BCL11A: variants seen among roughly 807,000 people sequenced by gnomAD.
BCL11A encodes B cell CLL/lymphoma 11A.
A neutral mutation model predicts 55.9 loss-of-function variants in BCL11A; 2 were observed. The ratio of observed to expected loss-of-function variants is 0.04; its 90% CI spans 0.01 to 0.11. The LOEUF is 0.11. BCL11A is among the 10% of genes least tolerant of loss of function. BCL11A has a pLI of 1.00. For missense variants in BCL11A, 817 were observed against 1,137.1 expected, an observed-to-expected ratio of 0.72 and a Z score of 4.05; for synonymous variants, 465 against 473.4, an observed-to-expected ratio of 0.98 and a Z score of 0.23.
chr2:60,552,614 G>A (rs1199305116), intron 1 of BCL11A, among the ~76,000 whole-genome samples: 2 of 152,200 alleles, frequency 1.3e-5, no homozygotes, highest in Admixed American at 6.5e-5. Context: ...AGCGCCGGGG[G>A]CCCCTTTCCA....
At chr2:60,491,005 C>G (rs1170661350) in intron 2 of BCL11A, among the ~76,000 whole-genome samples, 1 of 152,048 alleles carries the variant, frequency 6.6e-6, no homozygotes, top group African/African-American at 2.4e-5. Flanking sequence ...AATATCCACC[C>G]TCTTTAAACA....
chr2:60,515,454 A>G (rs982696536), intron 2 of BCL11A, among the ~76,000 whole-genome samples: 46 of 152,228 alleles, frequency 3.0e-4, no homozygotes, highest in African/African-American at 9.9e-4. Flanking sequence ...CCAAAAGGTT[A>G]TAATTTGAGG....
At chr2:60,496,574 GAGAC>G (rs1678962236) in intron 2 of BCL11A, 1 of 152,270 alleles carries the variant, frequency 6.6e-6, no homozygotes, top group Admixed American at 6.5e-5. Flanking sequence ...GCAAGGATTT[GAGAC>G]AGTTACCCCT....
intron 3 of BCL11A, among the ~76,000 whole-genome samples, chr2:60,462,770 G>A (rs539464045): frequency 4.3e-4 from 65 of 152,302 alleles, no homozygotes; most frequent in African/African-American, 1.5e-3. Context: ...GTAGTTTGGG[G>A]CAAGCCATCT....
downstream of BCL11A, chr2:60,457,083 G>T: frequency 9.9e-6 from 2 of 202,900 alleles, no homozygotes; most frequent in African/African-American, 2.4e-5. Flanking sequence ...GCATCAGAAT[G>T]CCCATAGAAA....
chr2:60,553,618 G>A lies in BCL11A; in HGVS notation c.-348C>T, dbSNP rs1670514904. On this transcript the variant is annotated 5_prime_UTR_variant, in exon 1 of 4. Transcript: ENST00000642384. ...GTTCAAGTGCGGACGTGACGTCCCT[G>A]CGAACTTGAACGTCAGGAGTCTGGA... 3 of 353,444 alleles carry A rather than the reference G, an allele frequency of 8.5e-6. No individual in the cohort carries two copies. The highest frequency in any genetic ancestry group is 4.9e-5 in the Admixed American group (1 of 20,514). 21.9% of individuals were successfully genotyped at this position (353,444 alleles called of 1,614,324 possible).
intron 2 of BCL11A, among the ~76,000 whole-genome samples, chr2:60,521,105 A>ACACACT (rs1553347301): frequency 9.3e-5 from 6 of 64,468 alleles, no homozygotes; most frequent in African/African-American, 2.4e-4. Context: ...ACACACTCAC[A>ACACACT]CACACACACA....
downstream of BCL11A, among the ~76,000 whole-genome samples, chr2:60,456,829 A>G (rs1675963000): frequency 6.6e-6 from 1 of 152,202 alleles, no homozygotes; most frequent in African/African-American, 2.4e-5. Flanking sequence ...ACTTTTAGAC[A>G]ACAAGAACAG....
At chr2:60,540,886 A>G (rs1196878742) in intron 2 of BCL11A, among the ~76,000 whole-genome samples, 1 of 151,954 alleles carries the variant, frequency 6.6e-6, no homozygotes, top group Non-Finnish European at 1.5e-5. Context: ...CCTTTATAGT[A>G]AAGGCACAAC....
At chr2:60,453,927 G>A (rs566160706), downstream of BCL11A, among the ~76,000 whole-genome samples, 1 of 152,268 alleles carries the variant, frequency 6.6e-6, no homozygotes, top group East Asian at 1.9e-4. Context: ...GTTCAGCCAA[G>A]TTTAGGTTCT....
At position 60,553,307 on chromosome 2, in the gene BCL11A, C is replaced by T; in HGVS notation, c.-37G>A. 1.3e-6 allele frequency: 2 copies of T among 1,520,374 alleles called. No individual in the cohort carries two copies. The highest frequency in any genetic ancestry group is 8.8e-7 in the Non-Finnish European group (1 of 1,140,610). 94.2% of individuals were successfully genotyped at this position (1,520,374 alleles called of 1,614,324 possible). A position where few individuals can be genotyped will look rare whatever the true frequency, so the allele number is the denominator to read the frequency against. On this transcript the variant is annotated 5_prime_UTR_variant, in exon 1 of 4. Transcript: ENST00000642384. ...GGGCGGGCGGCGGCGGCGGCGGCGG[C>T]GGCGGCGGGCGGACGACGGCTCGGT...
chr2:60,535,773 C>A (rs754476183), intron 2 of BCL11A: 1 of 152,280 alleles, frequency 6.6e-6, no homozygotes, highest in Non-Finnish European at 1.5e-5. Context: ...TCGGCACCAG[C>A]CGCATTTAAT....
chr2:60,494,524 C>A (rs1041350478), intron 2 of BCL11A, among the ~76,000 whole-genome samples: 5 of 152,214 alleles, frequency 3.3e-5, no homozygotes, highest in Non-Finnish European at 5.9e-5. Context: ...AGTGTTCATT[C>A]CATCTCCCTA....
intron 2 of BCL11A, among the ~76,000 whole-genome samples, chr2:60,528,725 T>C (rs1032157960): frequency 6.6e-6 from 1 of 152,134 alleles, no homozygotes; most frequent in African/African-American, 2.4e-5. Context: ...AACCCCAATT[T>C]CCTCCTCTAC....
intron 2 of BCL11A, chr2:60,528,070 C>T (rs1216896383): frequency 6.6e-6 from 1 of 152,528 alleles, no homozygotes; most frequent in Non-Finnish European, 1.5e-5. Context: ...TTACCACAGC[C>T]TTGTTCAGCC....
At chr2:60,530,420 C>A (rs1312948122) in intron 2 of BCL11A, among the ~76,000 whole-genome samples, 4 of 151,710 alleles carry the variant, frequency 2.6e-5, no homozygotes, top group Admixed American at 2.6e-4. Context: ...GCACCACGAG[C>A]TCTCACACCT....
In BCL11A at chr2:60,460,238, ACT is replaced by A; in HGVS notation, c.*164_*165del. The stretch of plus-strand genomic sequence containing the variant: ...AAAAACAGGTGTGCTGGTGACAAGC[ACT>A]CTCATATTCTTAGCTTCGTTACTTC... On this transcript the variant is annotated 3_prime_UTR_variant, in exon 4 of 4. Coordinates refer to ENST00000642384, the MANE Select transcript of BCL11A (RefSeq NM_022893.4). 1 of 1,343,136 alleles carries A rather than the reference ACT, an allele frequency of 7.4e-7. No homozygotes were observed. The highest frequency in any genetic ancestry group is 9.5e-7 in the Non-Finnish European group (1 of 1,049,018). 83.2% of individuals were successfully genotyped at this position (1,343,136 alleles called of 1,614,324 possible).
At chr2:60,538,421 CCTGT>C (rs1183721758) in intron 2 of BCL11A, 1 of 152,196 alleles carries the variant, frequency 6.6e-6, no homozygotes, top group Non-Finnish European at 1.5e-5. Flanking sequence ...ACTTCAGTTC[CCTGT>C]CTGCAAACTT....
intron 2 of BCL11A, chr2:60,545,657 T>TA: frequency 3.1e-6 from 1 of 323,716 alleles, no homozygotes; most frequent in Non-Finnish European, 5.8e-6. Context: ...CTAGGTGTAG[T>TA]AAAGCTCAAT....
Sources: gnomAD v4.1 joint callset for allele counts (sites outside exome capture counted in the v4.1 genomes callset) on GRCh38, gnomAD v4.1.1 for gene constraint, MANE v1.5 for transcripts, NCBI Gene and HGNC (gene_info 2026-07-23, HGNC 2026-07-21) for gene names.